Variants in AP2A2 observed in about 807,000 individuals in gnomAD.
AP2A2 encodes the protein adaptor related protein complex 2 subunit alpha 2.
AP2A2 carries 32 observed loss-of-function variants against 104.2 expected under a neutral mutation model. The observed-to-expected ratio is 0.31, with a 90% CI of 0.23 to 0.41. The LOEUF (loss-of-function observed/expected upper bound fraction) is 0.41. AP2A2 is among the 10% of genes least tolerant of loss of function. The pLI is 1.00. For synonymous variants in AP2A2, 539 were observed against 533.3 expected (o/e 1.01, Z -0.15); for missense variants, 912 against 1,261.0 (o/e 0.72, Z 4.19).
chr11:934,593 A>G (rs930369486), intron 1 of AP2A2, among the ~76,000 whole-genome samples: 5 of 152,096 alleles, frequency 3.3e-5, no homozygotes, highest in Non-Finnish European at 7.4e-5. Context: ...GTGTCTGTCT[A>G]CGGGTTTGCT....
At chr11:945,185 T>C (rs1286812459) in intron 1 of AP2A2, among the ~76,000 whole-genome samples, 1 of 151,890 alleles carries the variant, frequency 6.6e-6, no homozygotes, top group East Asian at 1.9e-4. Flanking sequence ...ATGTGATACA[T>C]TGAGGGTGAC....
chr11:966,079 C>T (rs1262816317), intron 2 of AP2A2, among the ~76,000 whole-genome samples: 1 of 152,220 alleles, frequency 6.6e-6, no homozygotes, highest in African/African-American at 2.4e-5. Flanking sequence ...CTCAGGTGAA[C>T]TCACCCACCT....
In AP2A2 at chr11:968,338, G is replaced by A. The variant is rs1350419571; in HGVS notation, c.137-1831G>A. ...GGTGGGCCTAAGTTTCCCAGCACCC[G>A]GGAGCTCTAGAGCAGCTCTTCGTCT... On this transcript the variant is annotated intron_variant, in intron 2 of 21. Coordinates refer to ENST00000448903, the MANE Select transcript of AP2A2 (RefSeq NM_012305.4). This position sits in a 1 kb window ranked among gnomAD's most constrained non-coding sequence, Gnocchi z 4.2. Among the ~76,000 whole-genome samples the A allele has an allele frequency of 3.3e-5, 5 of 152,094 alleles. No homozygotes were observed. The highest frequency in any genetic ancestry group is 7.4e-5 in the Non-Finnish European group (5 of 68,006).
Position 1,010,584 on chromosome 11 carries a change from G to A in AP2A2, c.2779G>A (p.Val927Ile), listed in dbSNP as rs747067067. The change falls in exon 22 of 22, where the codon GTT (valine) becomes ATT (isoleucine). Residue 927 changes from valine to isoleucine, a missense_variant. Val to Ile is a conservative substitution (Grantham distance 29, BLOSUM62 3). Coordinates refer to ENST00000448903, the MANE Select transcript of AP2A2 (RefSeq NM_012305.4). ...RLTLRTSKEA[V>I]SQRLCELLSA... Reference sequence around the variant, plus strand: ...CACGCTGCGCACAAGTAAGGAAGCCGTTTCTCAGAGATTATGTGAATTGCT... The same window carrying A: ...CACGCTGCGCACAAGTAAGGAAGCCATTTCTCAGAGATTATGTGAATTGCT... 3.0e-5 allele frequency: 48 copies of A among 1,599,162 alleles called. No homozygotes were observed. The highest frequency in any genetic ancestry group is 3.5e-5 in the Non-Finnish European group (41 of 1,173,196).
chr11:966,115 G>A (rs181186144), intron 2 of AP2A2, among the ~76,000 whole-genome samples: 1 of 152,292 alleles, frequency 6.6e-6, no homozygotes, highest in African/African-American at 2.4e-5. Context: ...AAAAGTGCTG[G>A]GATTACAGGC....
Position 976,973 on chromosome 11 carries a change from T to G in AP2A2, c.474-122T>G, listed in dbSNP as rs923586131. ...GGCGGCCTCGGCAGGCGGCCCTGAGTGCTGTCTTGGCCCCTGCGCCAGCCC... is the reference window on the plus strand; with the variant it reads ...GGCGGCCTCGGCAGGCGGCCCTGAGGGCTGTCTTGGCCCCTGCGCCAGCCC... On this transcript the variant is annotated intron_variant, in intron 4 of 21. Coordinates refer to ENST00000448903, the MANE Select transcript of AP2A2 (RefSeq NM_012305.4). The G allele has an allele frequency of 2.3e-4, 314 of 1,368,110 alleles. 3 individuals are homozygous for G. Among genetic ancestry groups the G allele is most frequent in the Admixed American group, 6.4e-5 (3 of 47,006 alleles). The allele number at this position is 1,368,110 out of a possible 1,614,324, so 84.7% of individuals were successfully genotyped here.
Position 925,897 on chromosome 11 carries a change from G to T in AP2A2, c.-125G>T, listed in dbSNP as rs1468643207. The T allele has an allele frequency of 3.0e-6, 2 of 658,176 alleles. No individual in the cohort carries two copies. The highest frequency in any genetic ancestry group is 4.4e-6 in the Non-Finnish European group (2 of 455,692). 40.8% of individuals were successfully genotyped at this position (658,176 alleles called of 1,614,324 possible). ...AAAGCGGCGCTGGGACCCTGAGGCGGCCGTGGTTAGGCGGCTCCCCGGCGG... is the reference window on the plus strand; with the variant it reads ...AAAGCGGCGCTGGGACCCTGAGGCGTCCGTGGTTAGGCGGCTCCCCGGCGG... On this transcript the variant is annotated 5_prime_UTR_variant, in exon 1 of 22. Transcript: ENST00000448903.
At chr11:1,007,797 G>T (rs888025385) in intron 17 of AP2A2, 3 of 631,870 alleles carry the variant, frequency 4.7e-6, no homozygotes, top group Non-Finnish European at 8.2e-6. Context: ...TTAAAATGGA[G>T]GAGCCATTCT....
intron 2 of AP2A2, among the ~76,000 whole-genome samples, chr11:960,007 C>T (rs1369286159): frequency 6.6e-6 from 1 of 152,182 alleles, no homozygotes; most frequent in Non-Finnish European, 1.5e-5. Context: ...CCAGTTAATC[C>T]TTAAAGCCTT....
At chr11:977,965 C>T (rs546314585) in intron 5 of AP2A2, among the ~76,000 whole-genome samples, 74 of 152,270 alleles carry the variant, frequency 4.9e-4, no homozygotes, top group Non-Finnish European at 1.9e-4. Flanking sequence ...GCCTTTCAGA[C>T]GGTGCTGCTG....
chr11:971,516 G>A (rs879816802), intron 3 of AP2A2, among the ~76,000 whole-genome samples: 3 of 152,116 alleles, frequency 2.0e-5, no homozygotes, highest in Non-Finnish European at 4.4e-5. Context: ...AGGTGGGGAG[G>A]GTGTCACCTT....
intron 1 of AP2A2, among the ~76,000 whole-genome samples, chr11:936,946 G>A (rs1053368790): frequency 1.3e-5 from 2 of 152,010 alleles, no homozygotes; most frequent in Admixed American, 6.6e-5. Flanking sequence ...CCTGTGCTGC[G>A]GCAGGGGCTC....
chr11:1,005,927 G>A (rs955308191), intron 16 of AP2A2, among the ~76,000 whole-genome samples: 1 of 152,230 alleles, frequency 6.6e-6, no homozygotes, highest in African/African-American at 2.4e-5. Context: ...GTATACAGAT[G>A]TTCACAAAGA....
At chr11:963,133 G>GAA (rs200746644) in intron 2 of AP2A2, among the ~76,000 whole-genome samples, 3 of 150,708 alleles carry the variant, frequency 2.0e-5, no homozygotes, top group African/African-American at 4.9e-5. Flanking sequence ...GTAATCAATT[G>GAA]AAAAAAAAAC....
At chr11:926,139 G>C (rs901330388) in intron 1 of AP2A2, 51 bp downstream of exon 1, 9 of 1,194,296 alleles carry the variant, frequency 7.5e-6, no homozygotes, top group Non-Finnish European at 9.6e-6. Context: ...CGGCGGAGAC[G>C]GGGTCTGGGA....
Position 1,009,112 on chromosome 11 carries a change from C to A in AP2A2, c.2433C>A (p.Thr811=), listed in dbSNP as rs757131104. The change falls in exon 19 of 22, where the codon ACC becomes ACA. Residue 811 remains threonine (T), a synonymous_variant. Coordinates refer to ENST00000448903, the MANE Select transcript of AP2A2 (RefSeq NM_012305.4). ...CTGCTGCTGGCAGGTATGGGGGCACCTTCCAGAACGTGTCTGTGCAGCTGC... is the reference window on the plus strand; with the variant it reads ...CTGCTGCTGGCAGGTATGGGGGCACATTCCAGAACGTGTCTGTGCAGCTGC... The part of the protein sequence containing the change: ...VLNIQFRYGG[T]FQNVSVQLPI... The A allele has an allele frequency of 1.2e-6, 2 of 1,612,810 alleles. No homozygotes were observed. Among genetic ancestry groups the A allele is most frequent in the Non-Finnish European group, 1.7e-6 (2 of 1,179,766 alleles).
chr11:962,943 C>T (rs1045405928), intron 2 of AP2A2, among the ~76,000 whole-genome samples: 4 of 152,042 alleles, frequency 2.6e-5, no homozygotes, highest in Admixed American at 6.6e-5. Context: ...CTGCCTGAGG[C>T]CTGCCCTGCC....
intron 1 of AP2A2, among the ~76,000 whole-genome samples, chr11:954,272 C>T (rs551997791): frequency 2.0e-4 from 31 of 152,340 alleles, no homozygotes; most frequent in Non-Finnish European, 4.1e-4. Flanking sequence ...TCCCACCTCA[C>T]GTGCTGGCCC....
rs1248282411 is a variant in AP2A2, at chr11:993,716, G to T, written c.1551-38G>T. 6.6e-7 allele frequency: 1 copy of T among 1,504,516 alleles called. No homozygotes were observed. The highest frequency in any genetic ancestry group is 1.9e-5 in the Admixed American group (1 of 51,438). The allele number at this position is 1,504,516 out of a possible 1,614,324, so 93.2% of individuals were successfully genotyped here. On this transcript the variant is annotated intron_variant, in intron 12 of 21. Transcript: ENST00000448903. The surrounding 1 kb of genome is among the most constrained non-coding windows in gnomAD (Gnocchi z 8.2). ...GGGGGCGTGCTGCAGCCTGCGAGGG[G>T]ACGACGGTGTCCCTGTGTTGTGCCT...
Sources: allele counts gnomAD v4.1 joint callset (sites outside exome capture counted in the v4.1 genomes callset), GRCh38; gene constraint gnomAD v4.1.1; non-coding constraint Gnocchi (gnomAD v3.1); transcripts MANE v1.5; gene names NCBI Gene and HGNC (gene_info 2026-07-23, HGNC 2026-07-21).